NRG1: variants seen among roughly 807,000 people sequenced by gnomAD.
NRG1 encodes pro-neuregulin-1, membrane-bound isoform.
Under a neutral mutation model 63.8 loss-of-function variants are expected in NRG1, and 18 were observed. The ratio of observed to expected loss-of-function variants is 0.28; its 90% CI spans 0.19 to 0.42. The LOEUF is 0.42. NRG1 is among the 10% of genes least tolerant of loss of function. The pLI, the probability that NRG1 is intolerant of heterozygous loss-of-function variation, is 1.00. For synonymous variants in NRG1, 302 were observed against 301.3 expected (o/e 1.00, Z -0.02); for missense variants, 762 against 814.7 (o/e 0.94, Z 0.79).
intron 1 of NRG1, among the ~76,000 whole-genome samples, chr8:32,120,269 C>G (rs1474044419): frequency 6.6e-6 from 1 of 151,848 alleles, no homozygotes; most frequent in Non-Finnish European, 1.5e-5. Context: ...ATACTTCATG[C>G]CTTTTAAAAA....
At chr8:32,634,773 A>G (rs1851010078) in intron 5 of NRG1, among the ~76,000 whole-genome samples, 1 of 152,230 alleles carries the variant, frequency 6.6e-6, no homozygotes, top group Middle Eastern at 3.2e-3. Flanking sequence ...TGATGATTTT[A>G]AAAAATGCTT....
At position 32,249,257 on chromosome 8, in the gene NRG1, C is replaced by T. The variant is rs1000220326; in HGVS notation, c.38-346571C>T. 4.6e-5 allele frequency among the ~76,000 whole-genome samples: 7 copies of T among 152,124 alleles called. No homozygotes were observed. In the East Asian group the frequency reaches 9.7e-4, roughly 21 times the overall value. Reference sequence around the variant, plus strand: ...AGCTGAAATTGTAGGTGCATGCCACCGTATCTGGCCAACAGGGAAATATTA... The same window carrying T: ...AGCTGAAATTGTAGGTGCATGCCACTGTATCTGGCCAACAGGGAAATATTA... On this transcript the variant is annotated intron_variant, in intron 1 of 10. Coordinates refer to the NRG1 transcript ENST00000519301.
chr8:31,944,285 T>A (rs977508082), intron 1 of NRG1, among the ~76,000 whole-genome samples: 6 of 152,184 alleles, frequency 3.9e-5, no homozygotes, highest in African/African-American at 1.4e-4. Context: ...GAGTGTATAC[T>A]ATGTGTCAGA....
chr8:31,692,892 A>G (rs1809672514), intron 1 of NRG1, among the ~76,000 whole-genome samples: 1 of 152,210 alleles, frequency 6.6e-6, no homozygotes, highest in Admixed American at 6.5e-5. Context: ...GCTCATCTTA[A>G]AACCGAAAAC....
chr8:32,140,001 C>T (rs967227149), intron 1 of NRG1, among the ~76,000 whole-genome samples: 3 of 152,124 alleles, frequency 2.0e-5, no homozygotes, highest in Non-Finnish European at 4.4e-5. Flanking sequence ...TTCAAGGCCA[C>T]AGATGCAGTG....
In NRG1 at chr8:31,640,586, A is replaced by G. The variant is rs1355117547; in HGVS notation, c.37+1155A>G. ...TTCCCCTCCTGCGGGAGGCTCAAGG[A>G]GGACAGCAGGTACATCTTCTTCATG... On this transcript the variant is annotated intron_variant, in intron 1 of 10. Transcript: ENST00000519301. The surrounding 1 kb of genome is among the most constrained non-coding windows in gnomAD (Gnocchi z 6.3). The G allele has an allele frequency of 1.2e-6, 2 of 1,611,912 alleles. No individual in the cohort carries two copies. Among genetic ancestry groups the G allele is most frequent in the Non-Finnish European group, 1.7e-6 (2 of 1,179,524 alleles).
chr8:31,788,312 C>G (rs533181057), intron 1 of NRG1, among the ~76,000 whole-genome samples: 1 of 152,036 alleles, frequency 6.6e-6, no homozygotes, highest in Non-Finnish European at 1.5e-5. Context: ...ATTATAAATG[C>G]TCTTTTAAAT....
intron 1 of NRG1, among the ~76,000 whole-genome samples, chr8:32,456,256 C>T (rs542226209): frequency 5.3e-5 from 8 of 152,354 alleles, no homozygotes; most frequent in South Asian, 4.1e-4. Context: ...TACACCCTTC[C>T]TTTTCACAAA....
chr8:32,455,909 G>A (rs1320978203), intron 1 of NRG1, among the ~76,000 whole-genome samples: 3 of 152,226 alleles, frequency 2.0e-5, no homozygotes, highest in South Asian at 2.1e-4. Flanking sequence ...CAGCCTCTGA[G>A]TAGCTGGGAC....
At chr8:32,193,522 C>T (rs547922090) in intron 1 of NRG1, among the ~76,000 whole-genome samples, 1 of 152,096 alleles carries the variant, frequency 6.6e-6, no homozygotes, top group Non-Finnish European at 1.5e-5. Flanking sequence ...TAGGATGCAA[C>T]CGAGGGCTTG....
At chr8:32,430,858 T>G (rs4733332) in intron 1 of NRG1, among the ~76,000 whole-genome samples, 111,371 of 150,618 alleles carry the variant, frequency 0.74, 41,540 homozygotes, top group East Asian at 0.84. Flanking sequence ...TTAAGCATTG[T>G]TCAACATTTA....
chr8:32,566,840 A>G (rs527268144), intron 1 of NRG1, among the ~76,000 whole-genome samples: 28 of 111,616 alleles, frequency 2.5e-4, no homozygotes, highest in South Asian at 7.6e-4. Context: ...TTCAGAAAGT[A>G]GCATTTTGTT....
intron 1 of NRG1, among the ~76,000 whole-genome samples, chr8:32,110,934 A>G (rs2131445257): frequency 6.6e-6 from 1 of 152,302 alleles, no homozygotes; most frequent in South Asian, 2.1e-4. Context: ...GATTCTTATC[A>G]TTAGAAAGTG....
intron 1 of NRG1, among the ~76,000 whole-genome samples, chr8:32,411,278 G>A (rs114761331): frequency 0.01 from 1,569 of 152,226 alleles, 22 homozygotes; most frequent in African/African-American, 0.03. Context: ...CAGAATCTGG[G>A]GCCTGTAACT....
At chr8:32,601,369 G>T (rs1038675338) in intron 2 of NRG1, among the ~76,000 whole-genome samples, 2 of 152,150 alleles carry the variant, frequency 1.3e-5, no homozygotes, top group Admixed American at 1.3e-4. Context: ...AGATATTCTT[G>T]TAGGAATGTG....
At chr8:32,162,549 C>T (rs1040547740) in intron 1 of NRG1, among the ~76,000 whole-genome samples, 1 of 152,026 alleles carries the variant, frequency 6.6e-6, no homozygotes. Flanking sequence ...TTAAATTAAA[C>T]AGACAAAACT....
intron 1 of NRG1, among the ~76,000 whole-genome samples, chr8:31,999,166 A>G (rs909044106): frequency 1.3e-5 from 2 of 152,036 alleles, no homozygotes; most frequent in Non-Finnish European, 2.9e-5. Context: ...CTAATAAAGA[A>G]ATCAATAATG....
intron 1 of NRG1, among the ~76,000 whole-genome samples, chr8:32,389,156 G>A (rs764485392): frequency 6.6e-6 from 1 of 152,168 alleles, no homozygotes; most frequent in Non-Finnish European, 1.5e-5. Context: ...TCCACTGTGT[G>A]TTGAAGAGTC....
intron 1 of NRG1, among the ~76,000 whole-genome samples, chr8:31,710,544 T>G (rs1811637375): frequency 6.6e-6 from 1 of 152,022 alleles, no homozygotes; most frequent in Admixed American, 6.5e-5. Context: ...ATTTTGCTAT[T>G]CATAACAATT....
Sources: allele counts gnomAD v4.1 joint callset (sites outside exome capture counted in the v4.1 genomes callset), GRCh38; gene constraint gnomAD v4.1.1; non-coding constraint Gnocchi (gnomAD v3.1); transcripts MANE v1.5; gene names NCBI Gene and HGNC (gene_info 2026-07-23, HGNC 2026-07-21).